Variants in PLSCR2 observed in about 807,000 individuals in gnomAD.
The protein encoded by PLSCR2 is phospholipid scramblase 2.
PLSCR2 carries 18 observed loss-of-function variants against 25.3 expected under a neutral mutation model. The observed-to-expected ratio is 0.71, with a 90% CI of 0.49 to 1.06. The LOEUF (loss-of-function observed/expected upper bound fraction) is 1.06, where lower values mean the gene tolerates loss of function less well. Ranked by LOEUF, PLSCR2 falls within the 50% of genes least tolerant of loss-of-function variation. The probability of loss-of-function intolerance (pLI) is 0.00; values close to 1 mark genes in which losing one functional copy is unlikely to be tolerated. For missense variants in PLSCR2, 243 were observed against 269.5 expected (o/e 0.90, Z 0.69); for synonymous variants, 88 against 87.3 (o/e 1.01, Z -0.04).
intron 5 of PLSCR2, among the ~76,000 whole-genome samples, chr3:146,450,403 T>C (rs1029092221): frequency 6.6e-6 from 1 of 152,250 alleles, no homozygotes; most frequent in Non-Finnish European, 1.5e-5. Flanking sequence ...AATAAATGTC[T>C]AATATAAAAC....
intron 8 of PLSCR2, among the ~76,000 whole-genome samples, chr3:146,436,386 C>T (rs1576620657): frequency 6.6e-6 from 1 of 152,244 alleles, no homozygotes; most frequent in South Asian, 2.1e-4. Context: ...TTTCATGATA[C>T]TGATTCTTCC....
intron 1 of PLSCR2, among the ~76,000 whole-genome samples, chr3:146,493,783 G>GTTTTTTTTTTTTTT (rs34986699): frequency 5.5e-5 from 3 of 54,766 alleles, no homozygotes; most frequent in Non-Finnish European, 9.6e-5. Context: ...CCAAGGTGGC[G>GTTTTTTTTTTTTTT]TTTTTTTTTT....
At chr3:146,443,605 G>A (rs527702248) in intron 6 of PLSCR2, among the ~76,000 whole-genome samples, 17 of 151,898 alleles carry the variant, frequency 1.1e-4, no homozygotes, top group East Asian at 7.7e-4. Flanking sequence ...CAATTAAAGC[G>A]TCTCCTTTTT....
At chr3:146,420,902 G>A (rs2039126460) in intron 2 of PLSCR2, among the ~76,000 whole-genome samples, 1 of 151,920 alleles carries the variant, frequency 6.6e-6, no homozygotes, top group African/African-American at 2.4e-5. Flanking sequence ...GTTCAGTGTG[G>A]GACCTTATAG....
At chr3:146,392,786 CTTTG>C (rs543925537) in intron 3 of PLSCR2, among the ~76,000 whole-genome samples, 2 of 148,464 alleles carry the variant, frequency 1.3e-5, no homozygotes, top group Non-Finnish European at 3.0e-5. Context: ...TATGGGTACT[CTTTG>C]TTTATTTTTG....
intron 1 of PLSCR2, among the ~76,000 whole-genome samples, chr3:146,466,524 C>A (rs1431834097): frequency 2.0e-5 from 3 of 152,068 alleles, no homozygotes; most frequent in Admixed American, 6.5e-5. Context: ...TCAACTAGAC[C>A]CAACTGAAAT....
intron 1 of PLSCR2, among the ~76,000 whole-genome samples, chr3:146,493,794 T>G (rs557263159): frequency 8.8e-5 from 13 of 147,876 alleles, no homozygotes; most frequent in South Asian, 6.4e-4. Context: ...TTTTTTTTTT[T>G]TTTTTTTTTT....
chr3:146,409,931 A>C (rs1025788379), intron 2 of PLSCR2, among the ~76,000 whole-genome samples: 3 of 152,096 alleles, frequency 2.0e-5, no homozygotes, highest in Admixed American at 6.5e-5. Context: ...TTACCACATT[A>C]CTGTAGCTTT....
intron 1 of PLSCR2, among the ~76,000 whole-genome samples, chr3:146,477,910 G>A (rs1473833347): frequency 6.6e-6 from 1 of 152,156 alleles, no homozygotes; most frequent in Admixed American, 6.5e-5. Flanking sequence ...AGCAATATTT[G>A]CTGTTCTGCA....
chr3:146,481,790 G>T (rs1303929161), intron 1 of PLSCR2, among the ~76,000 whole-genome samples: 1 of 152,134 alleles, frequency 6.6e-6, no homozygotes, highest in Non-Finnish European at 1.5e-5. Context: ...TAAGCAAAAA[G>T]AACAAAGCTG....
intron 2 of PLSCR2, among the ~76,000 whole-genome samples, chr3:146,396,929 A>G (rs1030986882): frequency 3.3e-5 from 5 of 152,144 alleles, no homozygotes; most frequent in Non-Finnish European, 7.4e-5. Flanking sequence ...AAAGCTATGG[A>G]ACAGGAATTC....
chr3:146,406,668 T>C (rs1338555369), intron 2 of PLSCR2, among the ~76,000 whole-genome samples: 3 of 152,228 alleles, frequency 2.0e-5, no homozygotes, highest in Admixed American at 6.5e-5. Flanking sequence ...TGGGGACCTA[T>C]GTTTTTAGTT....
chr3:146,476,232 G>A (rs2042278955), intron 1 of PLSCR2, among the ~76,000 whole-genome samples: 1 of 152,108 alleles, frequency 6.6e-6, no homozygotes, highest in South Asian at 2.1e-4. Context: ...GGCAGTTGGT[G>A]TGACTCACAG....
At chr3:146,401,548 A>G (rs531530295) in intron 2 of PLSCR2, 13 of 152,636 alleles carry the variant, frequency 8.5e-5, no homozygotes, top group Non-Finnish European at 1.9e-4. Flanking sequence ...CTAGTTTCAA[A>G]TTTTCTGAGG....
intron 1 of PLSCR2, among the ~76,000 whole-genome samples, chr3:146,484,422 T>C (rs1576740683): frequency 6.6e-6 from 1 of 151,722 alleles, no homozygotes; most frequent in East Asian, 1.9e-4. Flanking sequence ...AACATGCAAA[T>C]TTGGCAAATG....
chr3:146,463,836 T>C, upstream of PLSCR2: 1 of 974,146 alleles, frequency 1.0e-6, no homozygotes, highest in Non-Finnish European at 1.2e-6. Flanking sequence ...CCTCCTTACC[T>C]GCCATTTCAA....
At chr3:146,483,453 G>GTA (rs1186980145) in intron 1 of PLSCR2, among the ~76,000 whole-genome samples, 1,067 of 32,556 alleles carry the variant, frequency 0.033, 16 homozygotes, top group Middle Eastern at 0.045. Flanking sequence ...ACACATGTAT[G>GTA]TATATATATA....
intron 1 of PLSCR2, among the ~76,000 whole-genome samples, chr3:146,477,748 A>G (rs1045250608): frequency 6.6e-6 from 1 of 152,182 alleles, no homozygotes; most frequent in African/African-American, 2.4e-5. Context: ...CCAGCACAGC[A>G]TTTGAGCTCT....
upstream of PLSCR2, among the ~76,000 whole-genome samples, chr3:146,461,029 ATATT>A (rs1344009414): frequency 6.6e-6 from 1 of 152,228 alleles, no homozygotes; most frequent in African/African-American, 2.4e-5. Flanking sequence ...GAAAAGCAAA[ATATT>A]TAACAGATGA....
Sources: gnomAD v4.1 joint callset for allele counts (sites outside exome capture counted in the v4.1 genomes callset) on GRCh38, gnomAD v4.1.1 for gene constraint, MANE v1.5 for transcripts, NCBI Gene and HGNC (gene_info 2026-07-23, HGNC 2026-07-21) for gene names.